VWC2: variants seen among roughly 807,000 people sequenced by gnomAD.
VWC2 encodes von Willebrand factor C domain containing 2.
Under a neutral mutation model 29.8 loss-of-function variants are expected in VWC2, and 14 were observed. That is an observed-to-expected ratio of 0.47 (90% CI 0.31 to 0.74). The LOEUF is 0.74. Ranked by LOEUF, VWC2 falls within the 30% of genes least tolerant of loss-of-function variation. The pLI, the probability that VWC2 is intolerant of heterozygous loss-of-function variation, is 0.05. For missense variants in VWC2, 457 were observed against 459.8 expected, an observed-to-expected ratio of 0.99 and a Z score of 0.05; for synonymous variants, 213 against 199.0, an observed-to-expected ratio of 1.07 and a Z score of -0.59.
intron 3 of VWC2, among the ~76,000 whole-genome samples, chr7:49,877,481 A>AAAAATATATATAT: frequency 7.9e-5 from 1 of 12,722 alleles, no homozygotes; most frequent in African/African-American, 2.8e-4. Flanking sequence ...AAAAAAAAAA[A>AAAAATATATATAT]ATATATATAT....
chr7:49,835,014 C>A (rs1019274210), intron 3 of VWC2, among the ~76,000 whole-genome samples: 1 of 152,182 alleles, frequency 6.6e-6, no homozygotes, highest in Non-Finnish European at 1.5e-5. Flanking sequence ...GGACACAATT[C>A]CAAGTTGCCT....
chr7:49,902,261 G>A (rs1792794269), intron 3 of VWC2, among the ~76,000 whole-genome samples: 1 of 151,792 alleles, frequency 6.6e-6, no homozygotes, highest in African/African-American at 2.4e-5. Context: ...CCACAGACTG[G>A]AAGAAAACAT....
intron 2 of VWC2, among the ~76,000 whole-genome samples, chr7:49,782,326 G>C (rs1441938477): frequency 1.3e-5 from 2 of 152,240 alleles, no homozygotes; most frequent in South Asian, 4.1e-4. Flanking sequence ...TAGAAAATTA[G>C]TGCCCCCTCC....
chr7:49,888,836 G>A (rs1325666082), intron 3 of VWC2, among the ~76,000 whole-genome samples: 1 of 152,082 alleles, frequency 6.6e-6, no homozygotes, highest in Non-Finnish European at 1.5e-5. Context: ...GCTTGAACTC[G>A]GGAGGCGGAG....
chr7:49,781,868 A>G (rs1428108204), intron 2 of VWC2, among the ~76,000 whole-genome samples: 1 of 152,146 alleles, frequency 6.6e-6, no homozygotes, highest in Non-Finnish European at 1.5e-5. Context: ...TTGAGTCGTA[A>G]TGGGACTAAA....
intron 3 of VWC2, among the ~76,000 whole-genome samples, chr7:49,903,099 T>C (rs896665166): frequency 6.6e-6 from 1 of 152,152 alleles, no homozygotes; most frequent in Non-Finnish European, 1.5e-5. Flanking sequence ...AAACAAAAAC[T>C]TGTGACAAGA....
chr7:49,912,371 C>T lies in VWC2; in HGVS notation c.*186C>T. ...AGGAAATGGATATATTTCAAAACAT[C>T]AACAAGAACTTTGGGCATAAAATCC... On this transcript the variant is annotated 3_prime_UTR_variant, in exon 4 of 4. Transcript: ENST00000340652. 1.8e-6 allele frequency: 1 copy of T among 562,412 alleles called. No individual in the cohort carries two copies. The highest frequency in any genetic ancestry group is 3.2e-5 in the East Asian group (1 of 31,682). 34.8% of individuals were successfully genotyped at this position (562,412 alleles called of 1,614,324 possible). A position where few individuals can be genotyped will look rare whatever the true frequency, so the allele number is the denominator to read the frequency against.
chr7:49,889,541 C>T (rs1792040962), intron 3 of VWC2, among the ~76,000 whole-genome samples: 1 of 152,134 alleles, frequency 6.6e-6, no homozygotes, highest in South Asian at 2.1e-4. Context: ...GGGAGCTAGA[C>T]ACCAAGGCTG....
At chr7:49,787,469 C>T (rs1788324442) in intron 2 of VWC2, among the ~76,000 whole-genome samples, 1 of 152,166 alleles carries the variant, frequency 6.6e-6, no homozygotes, top group Non-Finnish European at 1.5e-5. Flanking sequence ...AGGAGCTAAA[C>T]CTCCCCACCT....
chr7:49,846,987 T>G (rs1427761794), intron 3 of VWC2, among the ~76,000 whole-genome samples: 3 of 152,202 alleles, frequency 2.0e-5, no homozygotes, highest in African/African-American at 7.2e-5. Context: ...AGGCTGTAAA[T>G]TTCCTACCTG....
Position 49,788,757 on chromosome 7 carries a change from T to TGGGGGTGTGAGA in VWC2, c.696+12628_696+12639dup, listed in dbSNP as rs1554327900. 5.5e-4 allele frequency among the ~76,000 whole-genome samples: 76 copies of TGGGGGTGTGAGA among 137,800 alleles called. 1 individual carries two copies. Among genetic ancestry groups the TGGGGGTGTGAGA allele is most frequent in the Admixed American group, 3.2e-3 (45 of 13,930 alleles). The allele number at this position is 137,800 out of a possible 152,430, so 90.4% of individuals were successfully genotyped here. A position where few individuals can be genotyped will look rare whatever the true frequency, so the allele number is the denominator to read the frequency against. On this transcript the variant is annotated intron_variant, in intron 2 of 3. Coordinates refer to ENST00000340652, the MANE Select transcript of VWC2 (RefSeq NM_198570.5). ...GTGGATGTGTGTGTGGATGTGGGTG[T>TGGGGGTGTGAGA]GGGGGTGTGAGAGAGGGTGTGTATG...
chr7:49,875,173 T>C (rs1267692447), intron 3 of VWC2, among the ~76,000 whole-genome samples: 2 of 151,006 alleles, frequency 1.3e-5, no homozygotes, highest in African/African-American at 2.4e-5. Flanking sequence ...AGTTCGAGAC[T>C]AGCCTGGCCA....
Position 49,912,504 on chromosome 7 carries a change from C to T in VWC2, c.*319C>T. The T allele has an allele frequency of 5.2e-6, 1 of 190,558 alleles. No homozygotes were observed. The highest frequency in any genetic ancestry group is 1.1e-5 in the Non-Finnish European group (1 of 91,620). The allele number at this position is 190,558 out of a possible 1,614,324, so 11.8% of individuals were successfully genotyped here. On this transcript the variant is annotated 3_prime_UTR_variant, in exon 4 of 4. Coordinates refer to ENST00000340652, the MANE Select transcript of VWC2 (RefSeq NM_198570.5). The stretch of plus-strand genomic sequence containing the variant: ...ATTAGAGAGCTTATATAAGTGTTTT[C>T]TATAGATGCAGATTAAAAATGCTGT...
At chr7:49,790,982 G>A (rs953785607) in intron 2 of VWC2, among the ~76,000 whole-genome samples, 1 of 152,060 alleles carries the variant, frequency 6.6e-6, no homozygotes, top group African/African-American at 2.4e-5. Context: ...ACTTATTAAT[G>A]AACATTTTCT....
At position 49,849,897 on chromosome 7, in the gene VWC2, A is replaced by C. The variant is rs533721420; in HGVS notation, c.826+47057A>C. 6.4e-4 allele frequency among the ~76,000 whole-genome samples: 98 copies of C among 152,342 alleles called. 5 individuals carry two copies. Among genetic ancestry groups the C allele is most frequent in the Non-Finnish European group, 3.8e-4 (26 of 68,036 alleles). ...AGAGGACCCTGGAGAGACTGAGCAC[A>C]GTACCATAGCACAGGTACAAAAAAA... On this transcript the variant is annotated intron_variant, in intron 3 of 3. Coordinates refer to ENST00000340652, the MANE Select transcript of VWC2 (RefSeq NM_198570.5).
intron 3 of VWC2, among the ~76,000 whole-genome samples, chr7:49,887,391 A>G (rs1049214671): frequency 1.3e-5 from 2 of 152,240 alleles, no homozygotes; most frequent in African/African-American, 2.4e-5. Context: ...ATCAAGAATG[A>G]CAGACAAAGA....
intron 2 of VWC2, among the ~76,000 whole-genome samples, chr7:49,777,438 G>A (rs1261248123): frequency 2.0e-5 from 3 of 151,980 alleles, no homozygotes; most frequent in Admixed American, 6.6e-5. Context: ...TTTAGAGTCA[G>A]GAAACATGGT....
At chr7:49,896,949 G>T (rs1792416109) in intron 3 of VWC2, among the ~76,000 whole-genome samples, 1 of 143,258 alleles carries the variant, frequency 7.0e-6, no homozygotes, top group Non-Finnish European at 1.5e-5. Flanking sequence ...ACTGCAGACT[G>T]CAGTGGCGCA....
At chr7:49,846,129 G>A (rs941952337) in intron 3 of VWC2, among the ~76,000 whole-genome samples, 2 of 152,154 alleles carry the variant, frequency 1.3e-5, no homozygotes, top group Admixed American at 1.3e-4. Context: ...ACTATCCCAA[G>A]GATCTAAGCA....
Sources: allele counts gnomAD v4.1 joint callset (sites outside exome capture counted in the v4.1 genomes callset), GRCh38; gene constraint gnomAD v4.1.1; transcripts MANE v1.5; gene names NCBI Gene and HGNC (gene_info 2026-07-23, HGNC 2026-07-21).